PTPRM: variants seen among roughly 807,000 people sequenced by gnomAD.
PTPRM encodes the protein receptor-type tyrosine-protein phosphatase mu.
In PTPRM, 47 loss-of-function variants were observed where a neutral mutation model predicts 186.7. The ratio of observed to expected loss-of-function variants is 0.25; its 90% CI spans 0.20 to 0.32. The LOEUF (loss-of-function observed/expected upper bound fraction) is 0.32, where lower values mean the gene tolerates loss of function less well. Ranked by LOEUF, PTPRM falls within the 10% of genes least tolerant of loss-of-function variation. The probability of loss-of-function intolerance (pLI) is 1.00; values close to 1 mark genes in which losing one functional copy is unlikely to be tolerated. For synonymous variants in PTPRM, 668 were observed against 674.9 expected (o/e 0.99, Z 0.16); for missense variants, 1,494 against 1,865.0 (o/e 0.80, Z 3.66).
At chr18:8,096,100 G>C (rs1278367479) in intron 11 of PTPRM, among the ~76,000 whole-genome samples, 3 of 152,158 alleles carry the variant, frequency 2.0e-5, no homozygotes, top group Admixed American at 2.0e-4. Context: ...GTGTTGAGGT[G>C]TTACCATGAT....
chr18:7,813,700 G>A (rs1008166871), intron 2 of PTPRM, among the ~76,000 whole-genome samples: 13 of 150,498 alleles, frequency 8.6e-5, no homozygotes, highest in African/African-American at 2.9e-4. Context: ...TTTCATATTA[G>A]GCATATGTTA....
chr18:8,001,435 G>A (rs2083867017), intron 7 of PTPRM, among the ~76,000 whole-genome samples: 3 of 152,128 alleles, frequency 2.0e-5, no homozygotes, highest in Non-Finnish European at 4.4e-5. Flanking sequence ...ATGCGAATGG[G>A]TGTGTGTGTA....
At chr18:8,183,577 C>T (rs541502096) in intron 14 of PTPRM, among the ~76,000 whole-genome samples, 6 of 152,292 alleles carry the variant, frequency 3.9e-5, no homozygotes, top group East Asian at 1.9e-4. Context: ...TACGGAATCT[C>T]ATTCATCCTC....
chr18:7,903,660 C>T (rs1219525960), intron 3 of PTPRM, among the ~76,000 whole-genome samples: 3 of 152,208 alleles, frequency 2.0e-5, no homozygotes, highest in East Asian at 1.9e-4. Flanking sequence ...ATTAAACTTA[C>T]GAACAGGATG....
chr18:7,604,060 A>AT (rs2037471106), intron 1 of PTPRM, among the ~76,000 whole-genome samples: 6 of 152,202 alleles, frequency 3.9e-5, no homozygotes, highest in Admixed American at 3.9e-4. Context: ...ACAAGAAATG[A>AT]TTTTCATTTG....
intron 1 of PTPRM, among the ~76,000 whole-genome samples, chr18:7,685,359 A>G (rs1260067192): frequency 1.3e-5 from 2 of 152,184 alleles, no homozygotes; most frequent in African/African-American, 4.8e-5. Context: ...AAGTATGATC[A>G]TTGTATCTTG....
intron 1 of PTPRM, among the ~76,000 whole-genome samples, chr18:7,686,855 C>T (rs945264602): frequency 6.6e-6 from 1 of 152,072 alleles, no homozygotes; most frequent in Non-Finnish European, 1.5e-5. Context: ...AACCAGCCAA[C>T]AAGCCACAAG....
At chr18:7,693,809 G>A (rs367709803) in intron 1 of PTPRM, among the ~76,000 whole-genome samples, 8 of 152,290 alleles carry the variant, frequency 5.3e-5, no homozygotes, top group Admixed American at 4.6e-4. Context: ...GGAAGGCCAG[G>A]AAGTTACCTG....
chr18:7,729,989 GA>G (rs537926973), intron 1 of PTPRM, among the ~76,000 whole-genome samples: 1 of 151,744 alleles, frequency 6.6e-6, no homozygotes, highest in South Asian at 2.1e-4. Context: ...AATATTTATG[GA>G]AAAAAAATCT....
chr18:8,191,292 G>A (rs1340746610), intron 14 of PTPRM, among the ~76,000 whole-genome samples: 1 of 152,064 alleles, frequency 6.6e-6, no homozygotes, highest in Non-Finnish European at 1.5e-5. Context: ...GCAGAGATTG[G>A]CGGAACACAG....
chr18:7,849,796 G>A (rs1482727304), intron 2 of PTPRM, among the ~76,000 whole-genome samples: 12 of 152,110 alleles, frequency 7.9e-5, no homozygotes, highest in Admixed American at 7.9e-4. Context: ...GAGAGGGGGA[G>A]GCAGTCACCA....
At chr18:7,842,146 A>T (rs757676688) in intron 2 of PTPRM, among the ~76,000 whole-genome samples, 1 of 152,148 alleles carries the variant, frequency 6.6e-6, no homozygotes, top group Non-Finnish European at 1.5e-5. Context: ...TTTCACATAA[A>T]GATAGGAAAA....
At chr18:7,842,841 T>TATATATATATATATAG (rs1555616753) in intron 2 of PTPRM, among the ~76,000 whole-genome samples, 108 of 134,530 alleles carry the variant, frequency 8.0e-4, no homozygotes, top group African/African-American at 3.0e-3. Flanking sequence ...TATATATATA[T>TATATATATATATATAG]AGAGAGAGAG....
At chr18:7,822,247 C>G (rs947606526) in intron 2 of PTPRM, among the ~76,000 whole-genome samples, 9 of 152,234 alleles carry the variant, frequency 5.9e-5, no homozygotes, top group African/African-American at 2.2e-4. Flanking sequence ...AAACTCTAAA[C>G]TATCTCATCC....
At chr18:8,392,785 C>T (rs1054138716) in intron 31 of PTPRM, among the ~76,000 whole-genome samples, 6 of 152,110 alleles carry the variant, frequency 3.9e-5, no homozygotes, top group Non-Finnish European at 5.9e-5. Context: ...GCCAGCCTGA[C>T]GGAGCTCCCA....
chr18:7,917,066 AACATCATGTATGT>A (rs2050602722), intron 4 of PTPRM, among the ~76,000 whole-genome samples: 2 of 152,152 alleles, frequency 1.3e-5, no homozygotes, highest in South Asian at 4.1e-4. Context: ...TTTATCACTT[AACATCATGTATGT>A]ACTCTAGGCA....
At chr18:8,240,443 AAGAGAG>A (rs535128651) in intron 14 of PTPRM, among the ~76,000 whole-genome samples, 1 of 90,994 alleles carries the variant, frequency 1.1e-5, no homozygotes. Context: ...CTCAAAAATA[AAGAGAG>A]AGAGAGAGAG....
At chr18:7,679,976 C>A (rs73389578) in intron 1 of PTPRM, among the ~76,000 whole-genome samples, 1 of 152,108 alleles carries the variant, frequency 6.6e-6, no homozygotes, top group Non-Finnish European at 1.5e-5. Context: ...GGTCATCCTC[C>A]CACCTCAGTC....
intron 4 of PTPRM, among the ~76,000 whole-genome samples, chr18:7,924,458 T>G (rs2051052909): frequency 6.6e-6 from 1 of 152,218 alleles, no homozygotes; most frequent in Non-Finnish European, 1.5e-5. Context: ...CTTAGTGAAC[T>G]CTATTCATGT....
Sources: gnomAD v4.1 joint callset for allele counts (sites outside exome capture counted in the v4.1 genomes callset) on GRCh38, gnomAD v4.1.1 for gene constraint, MANE v1.5 for transcripts, NCBI Gene and HGNC (gene_info 2026-07-23, HGNC 2026-07-21) for gene names.